Variants in PPP1R21 observed in about 807,000 individuals in gnomAD.
The protein encoded by PPP1R21 is protein phosphatase 1 regulatory subunit 21, also known as KLRAQ motif containing 1.
PPP1R21 carries 85 observed loss-of-function variants against 112.8 expected under a neutral mutation model. The observed-to-expected ratio is 0.75, with a 90% CI of 0.63 to 0.90. The LOEUF is 0.90. Among genes scored for constraint, PPP1R21 ranks in the 40% least tolerant of loss-of-function variants. The probability of loss-of-function intolerance (pLI) is 0.00; values close to 1 mark genes in which losing one functional copy is unlikely to be tolerated. For missense variants in PPP1R21, 1,199 were observed against 901.5 expected (o/e 1.33, Z -4.23); for synonymous variants, 381 against 322.3 (o/e 1.18, Z -1.95).
intron 18 of PPP1R21, 47 bp downstream of exon 18, chr2:48,505,643 G>T: frequency 6.8e-7 from 1 of 1,464,158 alleles, no homozygotes; most frequent in Non-Finnish European, 9.4e-7. Flanking sequence ...ATATCTGGCA[G>T]CATGTTTGTT....
At chr2:48,476,442 CTT>C (rs1010576609) in intron 12 of PPP1R21, among the ~76,000 whole-genome samples, 2 of 152,136 alleles carry the variant, frequency 1.3e-5, no homozygotes, top group Middle Eastern at 3.2e-3. Flanking sequence ...GTGGACATCT[CTT>C]TTCATTTCTT....
At chr2:48,509,523 T>C (rs1299111761) in intron 19 of PPP1R21, among the ~76,000 whole-genome samples, 1 of 151,634 alleles carries the variant, frequency 6.6e-6, no homozygotes, top group Non-Finnish European at 1.5e-5. Flanking sequence ...CTGGACAACA[T>C]AGTGAAACCC....
chr2:48,483,887 T>A (rs1669151602), intron 13 of PPP1R21, among the ~76,000 whole-genome samples: 1 of 151,840 alleles, frequency 6.6e-6, no homozygotes, highest in Non-Finnish European at 1.5e-5. Context: ...GGGGTCCTTC[T>A]ATATTTCCCA....
chr2:48,454,732 G>GA lies in PPP1R21; in HGVS notation c.269dup (p.Asn90LysfsTer20). The GA allele has an allele frequency of 6.2e-7, 1 of 1,613,724 alleles. No homozygotes were observed. The highest frequency in any genetic ancestry group is 8.5e-7 in the Non-Finnish European group (1 of 1,179,668). ...TAGCTCTAAGTGAACCACGAGGCAA[G>GA]AAAAACAAGGTAGGTTCAAATACAG... is the stretch of plus-strand genomic sequence containing the variant. On this transcript the variant is annotated frameshift_variant, in exon 3 of 22. Transcript: ENST00000294952. LOFTEE classifies it high-confidence loss of function.
At chr2:48,494,466 G>A (rs982613609) in intron 15 of PPP1R21, among the ~76,000 whole-genome samples, 3 of 151,460 alleles carry the variant, frequency 2.0e-5, no homozygotes, top group Non-Finnish European at 4.4e-5. Context: ...TTGCTCTGTC[G>A]CCCAGGCTGG....
At position 48,510,003 on chromosome 2, in the gene PPP1R21, C is replaced by G; in HGVS notation, c.2086-12C>G. The G allele has an allele frequency of 1.3e-6, 2 of 1,573,432 alleles. No individual in the cohort carries two copies. Among genetic ancestry groups the G allele is most frequent in the Middle Eastern group, 1.7e-4 (1 of 5,870 alleles). ...GCTCCCTCTAGTAATGGAATGTTTT[C>G]TGATTTTACAGTGCCGAGCACTGTC... On this transcript the variant is annotated splice_polypyrimidine_tract_variant and intron_variant, in intron 19 of 21. Coordinates refer to ENST00000294952, the MANE Select transcript of PPP1R21 (RefSeq NM_001135629.3).
At chr2:48,496,703 A>G (rs1203412352) in intron 16 of PPP1R21, among the ~76,000 whole-genome samples, 1 of 152,104 alleles carries the variant, frequency 6.6e-6, no homozygotes, top group African/African-American at 2.4e-5. Flanking sequence ...CCTGACCTCA[A>G]GTGATCCCCT....
intron 12 of PPP1R21, among the ~76,000 whole-genome samples, chr2:48,478,505 T>A (rs998180184): frequency 1.3e-5 from 2 of 152,224 alleles, no homozygotes; most frequent in African/African-American, 4.8e-5. Context: ...CTTTCACTGA[T>A]CACACCCAGG....
At chr2:48,469,454 TATATATATATAGAGC>T (rs1172492847) in intron 9 of PPP1R21, among the ~76,000 whole-genome samples, 2 of 33,288 alleles carry the variant, frequency 6.0e-5, no homozygotes, top group Non-Finnish European at 6.8e-5. Context: ...AGAGAGAGCA[TATATATATATAGAGC>T]ATATATATAT....
At chr2:48,458,341 T>C in intron 4 of PPP1R21, 114 bp downstream of exon 4, 1 of 620,104 alleles carries the variant, frequency 1.6e-6, no homozygotes, top group Non-Finnish European at 3.0e-6. Flanking sequence ...TAATGTCTTC[T>C]ATGGTCTTCA....
At position 48,454,779 on chromosome 2, in the gene PPP1R21, G is replaced by A. The variant is rs79298811; in HGVS notation, c.273+38G>A. The A allele has an allele frequency of 6.3e-3, 9,530 of 1,511,004 alleles. 67 individuals carry two copies. Among genetic ancestry groups the A allele is most frequent in the Admixed American group, 0.029 (1,709 of 59,528 alleles). The allele number at this position is 1,511,004 out of a possible 1,614,324, so 93.6% of individuals were successfully genotyped here. On this transcript the variant is annotated intron_variant, in intron 3 of 21. Coordinates refer to ENST00000294952, the MANE Select transcript of PPP1R21 (RefSeq NM_001135629.3). Reference sequence around the variant, plus strand: ...ACAGGCAAGTTAGTGTGACCTTGTCGTTAGTTACTGACACCTACAGGGCAT... The same window carrying A: ...ACAGGCAAGTTAGTGTGACCTTGTCATTAGTTACTGACACCTACAGGGCAT...
chr2:48,488,625 TG>T (rs1669419857), intron 14 of PPP1R21, among the ~76,000 whole-genome samples: 1 of 152,152 alleles, frequency 6.6e-6, no homozygotes, highest in African/African-American at 2.4e-5. Flanking sequence ...ATTAAATACT[TG>T]CATACGTCAT....
intron 15 of PPP1R21, among the ~76,000 whole-genome samples, 176 bp from the exon 16 acceptor site, chr2:48,495,503 A>G (rs902335714): frequency 2.6e-5 from 4 of 152,186 alleles, no homozygotes; most frequent in Non-Finnish European, 5.9e-5. Flanking sequence ...CGCCCAGGCT[A>G]TTATTTTTCT....
intron 14 of PPP1R21, among the ~76,000 whole-genome samples, chr2:48,488,440 C>T (rs1051845719): frequency 1.3e-5 from 2 of 150,872 alleles, no homozygotes; most frequent in African/African-American, 2.4e-5. Context: ...GATCTCAGCT[C>T]ACTGCAAGCT....
At chr2:48,489,817 G>A (rs1342846575) in intron 14 of PPP1R21, among the ~76,000 whole-genome samples, 2 of 151,664 alleles carry the variant, frequency 1.3e-5, no homozygotes, top group African/African-American at 2.4e-5. Flanking sequence ...AGGCTGAGGC[G>A]GGAGGATCAC....
Position 48,443,254 on chromosome 2 carries a change from C to T in PPP1R21, c.57+2244C>T, listed in dbSNP as rs571647028. 3.9e-5 allele frequency among the ~76,000 whole-genome samples: 6 copies of T among 152,246 alleles called. No individual in the cohort carries two copies. In the South Asian group the frequency reaches 1.0e-3, roughly 26 times the overall value. ...GCAGTTCTGAGGTGAGGGAACATGACTGCCACTGACACAATGAGGGCCAGC... is the reference window on the plus strand; with the variant it reads ...GCAGTTCTGAGGTGAGGGAACATGATTGCCACTGACACAATGAGGGCCAGC... On this transcript the variant is annotated intron_variant, in intron 1 of 21. Coordinates refer to ENST00000294952, the MANE Select transcript of PPP1R21 (RefSeq NM_001135629.3).
intron 11 of PPP1R21, 99 bp downstream of exon 11, chr2:48,471,466 C>A: frequency 8.5e-7 from 1 of 1,173,092 alleles, no homozygotes; most frequent in East Asian, 2.4e-5. Context: ...TGTGATCTGC[C>A]TGACTTTTCT....
At position 48,471,371 on chromosome 2, in the gene PPP1R21, G is replaced by T. The variant is rs1668488489; in HGVS notation, c.1088+4G>T. The T allele has an allele frequency of 1.2e-6, 2 of 1,603,656 alleles. No homozygotes were observed. The highest frequency in any genetic ancestry group is 1.7e-6 in the Non-Finnish European group (2 of 1,176,632). ...TTCTTCCCTATCAGTTAAAAAGGTA[G>T]TTACCCCCGGAGGCCAGGGAACTTG... On this transcript the variant is annotated splice_donor_region_variant and intron_variant, in intron 11 of 21. Coordinates refer to ENST00000294952, the MANE Select transcript of PPP1R21 (RefSeq NM_001135629.3).
chr2:48,456,602 C>T (rs1667734227), intron 3 of PPP1R21, among the ~76,000 whole-genome samples: 1 of 152,140 alleles, frequency 6.6e-6, no homozygotes, highest in Non-Finnish European at 1.5e-5. Context: ...CCATATTTCC[C>T]ATGTAATGGG....
Sources: gnomAD v4.1 joint callset for allele counts (sites outside exome capture counted in the v4.1 genomes callset) on GRCh38, gnomAD v4.1.1 for gene constraint, MANE v1.5 for transcripts, NCBI Gene and HGNC (gene_info 2026-07-23, HGNC 2026-07-21) for gene names.